Variants in UBR4 observed in about 807,000 individuals in gnomAD.
UBR4 encodes the protein ubiquitin protein ligase E3 component n-recognin 4.
UBR4 carries 124 observed loss-of-function variants against 575.6 expected under a neutral mutation model. That is an observed-to-expected ratio of 0.22 (90% confidence interval 0.19 to 0.25). The LOEUF is 0.25. UBR4 is among the 10% of genes least tolerant of loss of function. The probability of loss-of-function intolerance (pLI) is 1.00; values close to 1 mark genes in which losing one functional copy is unlikely to be tolerated. For synonymous variants in UBR4, 2,455 were observed against 2,473.7 expected (o/e 0.99, Z 0.22); for missense variants, 4,818 against 6,478.8 (o/e 0.74, Z 8.80).
chr1:19,172,554 T>C (rs568976009), intron 25 of UBR4, among the ~76,000 whole-genome samples: 2 of 152,206 alleles, frequency 1.3e-5, no homozygotes, highest in Non-Finnish European at 2.9e-5. Flanking sequence ...ATAAAGAGCA[T>C]TTAAGGAGCT....
intron 8 of UBR4, among the ~76,000 whole-genome samples, chr1:19,195,581 A>G (rs2092401731): frequency 6.6e-6 from 1 of 152,224 alleles, no homozygotes; most frequent in East Asian, 1.9e-4. Context: ...AAATTTAAAA[A>G]TGCAAAATCA....
In UBR4 at chr1:19,174,324, C is replaced by T. The variant is rs774523372; in HGVS notation, c.2977G>A (p.Ala993Thr). 1 of 1,612,646 alleles carries T rather than the reference C, an allele frequency of 6.2e-7. No homozygotes were observed. Among genetic ancestry groups the T allele is most frequent in the Non-Finnish European group, 8.5e-7 (1 of 1,179,752 alleles). The change falls in exon 22 of 106, where the codon GCC becomes ACC. Residue 993 changes from alanine (A) to threonine (T), a missense_variant. Transcript: ENST00000375254. ...TCAGGGTTCCATGGTCTTACCAAGG[C>T]TGTTACATTCTTGTTTTCCTTTCTC... Reference protein sequence around the residue: ...VRRKENKNVTALEACALQYYF... With the variant: ...VRRKENKNVTTLEACALQYYF...
intron 86 of UBR4, 141 bp from the exon 87 acceptor site, chr1:19,104,398 G>T: frequency 8.1e-7 from 1 of 1,239,228 alleles, no homozygotes; most frequent in Non-Finnish European, 1.1e-6. Context: ...TCAACAAGCG[G>T]AAACAGTCAA....
intron 44 of UBR4, 90 bp from the exon 45 acceptor site, chr1:19,154,029 C>T (rs1297545243): frequency 6.3e-6 from 9 of 1,433,450 alleles, no homozygotes; most frequent in East Asian, 2.3e-5. Flanking sequence ...TAACTGGCTA[C>T]GTGACTCCAA....
intron 63 of UBR4, 109 bp downstream of exon 63, chr1:19,127,514 G>T: frequency 1.2e-6 from 1 of 828,816 alleles, no homozygotes; most frequent in Non-Finnish European, 2.0e-6. Context: ...TCCCCTCAGG[G>T]AACAATGGCT....
intron 63 of UBR4, 43 bp downstream of exon 63, chr1:19,127,575 ACAATC>A: frequency 6.7e-7 from 1 of 1,491,132 alleles, no homozygotes. Context: ...CACTACCCAG[ACAATC>A]CGCTTACCTT....
At chr1:19,173,656 T>C (rs1344636098) in intron 22 of UBR4, 35 bp from the exon 23 acceptor site, 1 of 1,603,082 alleles carries the variant, frequency 6.2e-7, no homozygotes, top group Non-Finnish European at 8.5e-7. Context: ...AGGTAGCACT[T>C]GGTATGGCCT....
intron 55 of UBR4, 106 bp downstream of exon 55, chr1:19,143,874 C>T: frequency 3.0e-6 from 3 of 1,009,006 alleles, no homozygotes; most frequent in Non-Finnish European, 4.6e-6. Flanking sequence ...TACATAAAGT[C>T]TCCAGGACCT....
In UBR4 at chr1:19,181,414, C is replaced by G. The variant is rs1387042613; in HGVS notation, c.2185-2194G>C. On this transcript the variant is annotated intron_variant, in intron 17 of 105. Transcript: ENST00000375254. ...CTCTCTTACCCCCAAACCAACTCCC[C>G]TTCCTGACTTTCCTGTCTCTATTAA... Among the ~76,000 whole-genome samples the G allele has an allele frequency of 3.9e-5, 6 of 152,152 alleles. No homozygotes were observed. In the East Asian group the frequency reaches 1.2e-3, roughly 29 times the overall value.
intron 5 of UBR4, 107 bp downstream of exon 5, chr1:19,198,434 G>A (rs181531580): frequency 1.4e-6 from 2 of 1,413,798 alleles, no homozygotes; most frequent in East Asian, 4.6e-5. Context: ...CCACAGACAT[G>A]TATATCATTT....
At chr1:19,181,191 A>G (rs1159321693) in intron 17 of UBR4, among the ~76,000 whole-genome samples, 2 of 152,054 alleles carry the variant, frequency 1.3e-5, no homozygotes, top group Admixed American at 1.3e-4. Context: ...AGCCTGGGCG[A>G]CATAGCGAGA....
At chr1:19,208,309 T>C (rs2093111028) in intron 1 of UBR4, among the ~76,000 whole-genome samples, 1 of 151,860 alleles carries the variant, frequency 6.6e-6, no homozygotes, top group South Asian at 2.1e-4. Context: ...CTACTTAAAA[T>C]ACAAAAAGTT....
intron 81 of UBR4, 63 bp from the exon 82 acceptor site, chr1:19,107,029 C>A (rs1046727881): frequency 2.5e-6 from 4 of 1,588,514 alleles, no homozygotes; most frequent in Non-Finnish European, 3.4e-6. Context: ...ATAGCCCCAA[C>A]AGCATGGCAC....
Position 19,114,940 on chromosome 1 carries a change from G to A in UBR4, c.11073C>T (p.Asn3691=). The change falls in exon 75 of 106, where the codon AAC becomes AAT. Residue 3691 remains asparagine (N), a synonymous_variant. Transcript: ENST00000375254. The stretch of plus-strand genomic sequence containing the variant: ...AGAGGAAGGGATCCTTTTCATCGTA[G>A]TTGATGGATCTGAGTAACCAAAGCG... ...VYQCHKCRSI[N]YDEKDPFLCN... The A allele has an allele frequency of 6.2e-7, 1 of 1,614,206 alleles. No individual in the cohort carries two copies. Among genetic ancestry groups the A allele is most frequent in the South Asian group, 1.1e-5 (1 of 91,088 alleles).
intron 49 of UBR4, 108 bp from the exon 50 acceptor site, chr1:19,148,734 C>G: frequency 8.4e-7 from 1 of 1,190,150 alleles, no homozygotes; most frequent in Non-Finnish European, 1.2e-6. Flanking sequence ...TAATGAATGC[C>G]AAATACAAAA....
chr1:19,100,655 C>A lies in UBR4; in HGVS notation c.13024-82G>T, dbSNP rs564763200. Reference sequence around the variant, plus strand: ...CATGCTACCTTGTTCCATGGACACTCGAGGAAAACACACCAAACTCAGCAA... The same window carrying A: ...CATGCTACCTTGTTCCATGGACACTAGAGGAAAACACACCAAACTCAGCAA... On this transcript the variant is annotated intron_variant, in intron 88 of 105. Coordinates refer to ENST00000375254, the MANE Select transcript of UBR4 (RefSeq NM_020765.3). The surrounding 1 kb of genome is among the most constrained non-coding windows in gnomAD (Gnocchi z 4.2). 3.9e-5 allele frequency: 54 copies of A among 1,379,990 alleles called. No individual in the cohort carries two copies. Among genetic ancestry groups the A allele is most frequent in the Non-Finnish European group, 5.1e-5 (50 of 983,896 alleles). The allele number at this position is 1,379,990 out of a possible 1,614,324, so 85.5% of individuals were successfully genotyped here. A position where few individuals can be genotyped will look rare whatever the true frequency, so the allele number is the denominator to read the frequency against.
In UBR4 at chr1:19,128,969, A is replaced by T. The variant is rs367635623; in HGVS notation, c.9003+9T>A. On this transcript the variant is annotated intron_variant, in intron 61 of 105. Transcript: ENST00000375254. ...GACCTGACAGAGATCCAGGTGAGCT[A>T]AGAGATACCTGCATGTATGGGATGG... 1.2e-6 allele frequency: 2 copies of T among 1,612,982 alleles called. No homozygotes were observed. Among genetic ancestry groups the T allele is most frequent in the African/African-American group, 2.7e-5 (2 of 74,896 alleles).
At chr1:19,206,956 G>A (rs888652722) in intron 1 of UBR4, among the ~76,000 whole-genome samples, 10 of 152,142 alleles carry the variant, frequency 6.6e-5, no homozygotes, top group East Asian at 1.9e-4. Flanking sequence ...TCTCAAGCAC[G>A]TCATCATTCT....
chr1:19,127,854 T>A (rs2081989825), intron 62 of UBR4, 115 bp from the exon 63 acceptor site: 2 of 858,836 alleles, frequency 2.3e-6, no homozygotes, highest in Non-Finnish European at 3.7e-6. Context: ...TCAGATTGAA[T>A]CAGACACAAA....
Sources: gnomAD v4.1 joint callset for allele counts (sites outside exome capture counted in the v4.1 genomes callset) on GRCh38, gnomAD v4.1.1 for gene constraint, Gnocchi (gnomAD v3.1) non-coding constraint, MANE v1.5 for transcripts, NCBI Gene and HGNC (gene_info 2026-07-23, HGNC 2026-07-21) for gene names.